The following KANK1 variants were observed in gnomAD, a reference collection of about 807,000 sequenced individuals.
The protein encoded by KANK1 is KN motif and ankyrin repeat domain-containing protein 1.
A neutral mutation model predicts 106.2 loss-of-function variants in KANK1; 109 were observed. That is an observed-to-expected ratio of 1.03 (90% CI 0.88 to 1.20). The LOEUF (loss-of-function observed/expected upper bound fraction) is 1.20. Ranked by LOEUF, KANK1 falls within the 50% of genes most tolerant of loss-of-function variation. The pLI, the probability that KANK1 is intolerant of heterozygous loss-of-function variation, is 0.00. For missense variants in KANK1, 2,399 were observed against 1,710.7 expected, an observed-to-expected ratio of 1.40 and a Z score of -7.10; for synonymous variants, 873 against 652.2, an observed-to-expected ratio of 1.34 and a Z score of -5.16.
chr9:744,592 C>G lies in KANK1; in HGVS notation c.3996+3C>G, dbSNP rs781410937. On this transcript the variant is annotated splice_donor_region_variant and intron_variant, in intron 11 of 11. Transcript: ENST00000382297. ...ACTTTGCAAAAGCCCAGTCTCCGGTCAGTGTTGTGCATTTGGCATTTGTAA... is the reference window on the plus strand; with the variant it reads ...ACTTTGCAAAAGCCCAGTCTCCGGTGAGTGTTGTGCATTTGGCATTTGTAA... The G allele has an allele frequency of 6.2e-7, 1 of 1,614,108 alleles. No homozygotes were observed. The highest frequency in any genetic ancestry group is 1.1e-5 in the South Asian group (1 of 91,044).
intron 1 of KANK1, among the ~76,000 whole-genome samples, chr9:583,959 A>G (rs1822812476): frequency 6.6e-6 from 1 of 152,116 alleles, no homozygotes; most frequent in Non-Finnish European, 1.5e-5. Flanking sequence ...GGTGTGGAGG[A>G]GTGGGTATTG....
chr9:490,499 C>A (rs1396959205), intron 3 of KANK1, among the ~76,000 whole-genome samples: 5 of 151,968 alleles, frequency 3.3e-5, no homozygotes, highest in African/African-American at 7.3e-5. Context: ...CAGAGCAAGA[C>A]CTTGTCTCAA....
At chr9:520,871 T>C (rs2059513076) in intron 1 of KANK1, among the ~76,000 whole-genome samples, 1 of 151,754 alleles carries the variant, frequency 6.6e-6, no homozygotes, top group Non-Finnish European at 1.5e-5. Context: ...CTCTTGACTT[T>C]TATATCTTGA....
intron 1 of KANK1, among the ~76,000 whole-genome samples, chr9:647,674 A>C (rs563677591): frequency 6.6e-6 from 1 of 150,970 alleles, no homozygotes; most frequent in South Asian, 2.1e-4. Flanking sequence ...TTAGGAGCCA[A>C]AGTTCTCACC....
intron 1 of KANK1, among the ~76,000 whole-genome samples, chr9:637,463 A>T (rs1254915672): frequency 1.3e-5 from 2 of 152,184 alleles, no homozygotes; most frequent in African/African-American, 2.4e-5. Context: ...AAAGTTTCAT[A>T]AATTTTAGCA....
chr9:645,353 T>G (rs891943526), intron 1 of KANK1, among the ~76,000 whole-genome samples: 5 of 145,290 alleles, frequency 3.4e-5, no homozygotes, highest in Non-Finnish European at 5.9e-5. Flanking sequence ...GGCAGGAGAA[T>G]TGCTTGAACC....
intron 1 of KANK1, among the ~76,000 whole-genome samples, chr9:610,734 G>T (rs1342038462): frequency 6.6e-6 from 1 of 152,162 alleles, no homozygotes; most frequent in Non-Finnish European, 1.5e-5. Flanking sequence ...GCCTTGGAAA[G>T]CTCGGAGGGT....
At chr9:574,223 G>A (rs1217336062) in intron 1 of KANK1, among the ~76,000 whole-genome samples, 5 of 152,246 alleles carry the variant, frequency 3.3e-5, no homozygotes, top group Non-Finnish European at 7.3e-5. Flanking sequence ...ATTCCATAAA[G>A]GCTAAGGATC....
intron 3 of KANK1, among the ~76,000 whole-genome samples, chr9:728,387 G>T (rs35310071): frequency 0.055 from 8,354 of 152,118 alleles, 569 homozygotes; most frequent in East Asian, 0.19. Context: ...TAGTAGAGAC[G>T]GGGTTTCACC....
intron 1 of KANK1, among the ~76,000 whole-genome samples, chr9:601,420 A>G (rs902638559): frequency 2.6e-5 from 4 of 151,874 alleles, no homozygotes; most frequent in African/African-American, 4.9e-5. Context: ...GTTCCTTGTC[A>G]TTCCCTGTCA....
chr9:504,609 C>A (rs866681321), upstream of KANK1: 2 of 151,260 alleles, frequency 1.3e-5, no homozygotes, highest in East Asian at 3.9e-4. Context: ...GGCTTCCCCG[C>A]CCCGGCGGCG....
chr9:602,095 C>G (rs1353336367), intron 1 of KANK1, among the ~76,000 whole-genome samples: 1 of 151,806 alleles, frequency 6.6e-6, no homozygotes, highest in Non-Finnish European at 1.5e-5. Flanking sequence ...TGCACATACC[C>G]TGTAGAAAAA....
chr9:541,756 C>G (rs745504253), intron 1 of KANK1, among the ~76,000 whole-genome samples: 28 of 152,130 alleles, frequency 1.8e-4, no homozygotes, highest in Non-Finnish European at 1.0e-4. Context: ...ATACAAGGAA[C>G]CCATACAACT....
intron 1 of KANK1, among the ~76,000 whole-genome samples, chr9:579,764 G>T (rs1384089166): frequency 2.0e-5 from 3 of 152,138 alleles, no homozygotes; most frequent in Non-Finnish European, 2.9e-5. Context: ...TTCTCCCTAT[G>T]TTATTCCGTT....
chr9:543,006 T>G (rs1359147787), intron 1 of KANK1, among the ~76,000 whole-genome samples: 1 of 152,148 alleles, frequency 6.6e-6, no homozygotes, highest in African/African-American at 2.4e-5. Flanking sequence ...TACTTGGAAA[T>G]TACTAAGAGA....
intron 1 of KANK1, among the ~76,000 whole-genome samples, chr9:630,272 G>C (rs551448860): frequency 6.8e-6 from 1 of 146,298 alleles, no homozygotes; most frequent in Non-Finnish European, 1.5e-5. Flanking sequence ...AAACGAGTTG[G>C]GGGGCAGGCA....
At chr9:474,636 A>G (rs1427877830) in intron 3 of KANK1, among the ~76,000 whole-genome samples, 4 of 151,596 alleles carry the variant, frequency 2.6e-5, no homozygotes, top group Non-Finnish European at 5.9e-5. Context: ...CCTTCCCTCC[A>G]CTCTCCCATT....
intron 1 of KANK1, among the ~76,000 whole-genome samples, chr9:578,665 A>G (rs1055999006): frequency 2.0e-5 from 3 of 152,018 alleles, no homozygotes; most frequent in Non-Finnish European, 4.4e-5. Flanking sequence ...TTAGGAAAAA[A>G]TCAAGCATGA....
At chr9:636,961 T>C (rs1191202432) in intron 1 of KANK1, among the ~76,000 whole-genome samples, 1 of 152,238 alleles carries the variant, frequency 6.6e-6, no homozygotes, top group Non-Finnish European at 1.5e-5. Context: ...CTTTAGACTT[T>C]GCCAGTCCTT....
Sources: allele counts gnomAD v4.1 joint callset (sites outside exome capture counted in the v4.1 genomes callset), GRCh38; gene constraint gnomAD v4.1.1; transcripts MANE v1.5; gene names NCBI Gene and HGNC (gene_info 2026-07-23, HGNC 2026-07-21).